GALNT14: variants seen among roughly 807,000 people sequenced by gnomAD.
GALNT14 encodes the protein polypeptide N-acetylgalactosaminyltransferase 14, also known as UDP-GalNAc:polypeptide N-acetylgalactosaminyltransferase 14.
In GALNT14, 60 loss-of-function variants were observed where a neutral mutation model predicts 77.5. That is an observed-to-expected ratio of 0.77 (90% CI 0.63 to 0.96). The LOEUF (loss-of-function observed/expected upper bound fraction) is 0.96, where lower values mean the gene tolerates loss of function less well. GALNT14 is among the 40% of genes least tolerant of loss of function. GALNT14 has a pLI of 0.00. For synonymous variants in GALNT14, 280 were observed against 281.7 expected (o/e 0.99, Z 0.06); for missense variants, 710 against 731.0 (o/e 0.97, Z 0.33).
chr2:31,001,089 CT>C (rs1320956211), intron 1 of GALNT14, among the ~76,000 whole-genome samples: 1 of 152,136 alleles, frequency 6.6e-6, no homozygotes, highest in Non-Finnish European at 1.5e-5. Context: ...CTGTGGGGCC[CT>C]GGAGTTCTCG....
chr2:30,933,004 G>A (rs918735527), intron 9 of GALNT14, among the ~76,000 whole-genome samples: 3 of 152,122 alleles, frequency 2.0e-5, no homozygotes, highest in Non-Finnish European at 2.9e-5. Context: ...TAGCAGAGGC[G>A]GCTGTGGTGA....
At chr2:30,900,349 T>C in the GALNT14 span, among the ~76,000 whole-genome samples, 26 of 152,204 alleles carry the variant, frequency 1.7e-4, no homozygotes, top group Non-Finnish European at 2.9e-4. Context: ...TGAAGTAAAA[T>C]ATGCATGATC....
At chr2:31,015,692 AC>A (rs2148450109) in intron 1 of GALNT14, among the ~76,000 whole-genome samples, 1 of 152,344 alleles carries the variant, frequency 6.6e-6, no homozygotes, top group Non-Finnish European at 1.5e-5. Context: ...GCTCAACACC[AC>A]GTCTGTAGTA....
chr2:31,063,435 C>T (rs910893157), intron 1 of GALNT14, among the ~76,000 whole-genome samples: 44 of 152,188 alleles, frequency 2.9e-4, no homozygotes, highest in African/African-American at 9.6e-4. Context: ...GTTTTGGTGC[C>T]GGTACCATGC....
At chr2:31,079,084 A>G (rs1045108480) in intron 1 of GALNT14, 22 of 1,232,650 alleles carry the variant, frequency 1.8e-5, no homozygotes, top group Non-Finnish European at 2.3e-5. Context: ...ACATAAATAC[A>G]TGAAAATGCA....
At chr2:30,924,055 G>C in intron 13 of GALNT14, 64 bp downstream of exon 13, 1 of 1,580,670 alleles carries the variant, frequency 6.3e-7, no homozygotes, top group South Asian at 1.1e-5. Flanking sequence ...GATGGAGGCA[G>C]AGTCATCTGG....
At chr2:30,942,140 C>A in intron 9 of GALNT14, 61 bp downstream of exon 9, 1 of 1,249,746 alleles carries the variant, frequency 8.0e-7, no homozygotes. Flanking sequence ...ACAGAGGTCC[C>A]CGCCCCAATC....
chr2:31,077,003 A>G (rs960470663), intron 1 of GALNT14, among the ~76,000 whole-genome samples: 1 of 152,224 alleles, frequency 6.6e-6, no homozygotes, highest in Non-Finnish European at 1.5e-5. Context: ...GATGTGGTAG[A>G]GAAAGTAATG....
In GALNT14 at chr2:30,949,330, T is replaced by A. The variant is rs74502739; in HGVS notation, c.655-3460A>T. Reference sequence around the variant, plus strand: ...TGCTGCTAGCAAGCAGGTGGGTCAATTACAGCTGAATAAGATGGCTTCTCC... The same window carrying A: ...TGCTGCTAGCAAGCAGGTGGGTCAAATACAGCTGAATAAGATGGCTTCTCC... On this transcript the variant is annotated intron_variant, in intron 6 of 14. Transcript: ENST00000349752. Among the ~76,000 whole-genome samples the A allele has an allele frequency of 0.01, 1,586 of 152,254 alleles. 70 individuals carry two copies. In the East Asian group the frequency reaches 0.14, roughly 13 times the overall value.
chr2:31,031,961 C>G (rs1259928205), intron 1 of GALNT14, among the ~76,000 whole-genome samples: 3 of 152,216 alleles, frequency 2.0e-5, no homozygotes, highest in Non-Finnish European at 4.4e-5. Context: ...TGCTCCCTCT[C>G]CTCTCGGAAC....
intron 1 of GALNT14, among the ~76,000 whole-genome samples, chr2:31,101,747 T>C (rs1677288592): frequency 6.6e-6 from 1 of 152,082 alleles, no homozygotes. Flanking sequence ...CCCCATGATA[T>C]GGTTTGGCTG....
At chr2:30,896,948 C>G in the GALNT14 span, among the ~76,000 whole-genome samples, 472 of 152,236 alleles carry the variant, frequency 3.1e-3, no homozygotes, top group Non-Finnish European at 4.7e-3. Flanking sequence ...CGAATCTTAC[C>G]TGCAAAACAC....
intron 1 of GALNT14, among the ~76,000 whole-genome samples, chr2:31,059,654 A>G (rs13414037): frequency 0.028 from 4,189 of 152,262 alleles, 195 homozygotes; most frequent in African/African-American, 0.095. Flanking sequence ...ACAGTGAGCC[A>G]TGATTGTGCC....
chr2:30,937,297 C>T (rs1165057451), intron 9 of GALNT14, among the ~76,000 whole-genome samples: 2 of 152,202 alleles, frequency 1.3e-5, no homozygotes, highest in Non-Finnish European at 2.9e-5. Flanking sequence ...TTGCAACAGC[C>T]CTGTGATGTG....
intron 1 of GALNT14, among the ~76,000 whole-genome samples, chr2:31,098,222 T>C (rs958996671): frequency 1.3e-5 from 2 of 152,144 alleles, no homozygotes; most frequent in African/African-American, 4.8e-5. Context: ...TAAAGGTTAG[T>C]GATTCAAGAT....
chr2:30,893,650 C>T, the GALNT14 span, among the ~76,000 whole-genome samples: 646 of 152,082 alleles, frequency 4.2e-3, 10 homozygotes, highest in South Asian at 0.031. Context: ...TTTAAATTGT[C>T]GAGGTAAATG....
At chr2:31,093,383 G>A (rs1307301061) in intron 1 of GALNT14, among the ~76,000 whole-genome samples, 1 of 152,180 alleles carries the variant, frequency 6.6e-6, no homozygotes, top group Admixed American at 6.5e-5. Flanking sequence ...TTCTCTTACA[G>A]CTTAAAGAAC....
intron 6 of GALNT14, among the ~76,000 whole-genome samples, chr2:30,950,299 G>T (rs1033170386): frequency 2.6e-5 from 4 of 151,890 alleles, no homozygotes; most frequent in African/African-American, 9.7e-5. Flanking sequence ...ACCCCAACTT[G>T]GTACTTGTTT....
At chr2:30,931,342 G>A (rs1405768161) in intron 10 of GALNT14, among the ~76,000 whole-genome samples, 1 of 152,188 alleles carries the variant, frequency 6.6e-6, no homozygotes, top group Non-Finnish European at 1.5e-5. Flanking sequence ...GAGGGTGGGG[G>A]AAAGAGAGAG....
Sources: allele counts gnomAD v4.1 joint callset (sites outside exome capture counted in the v4.1 genomes callset), GRCh38; gene constraint gnomAD v4.1.1; transcripts MANE v1.5; gene names NCBI Gene and HGNC (gene_info 2026-07-23, HGNC 2026-07-21).